The following CRTAC1 variants were observed in gnomAD, a reference collection of about 807,000 sequenced individuals.
CRTAC1 encodes cartilage acidic protein 1, also known as acidic secreted protein in cartilage.
In CRTAC1, 37 loss-of-function variants were observed where a neutral mutation model predicts 67.8. The observed-to-expected ratio is 0.55, with a 90% CI of 0.42 to 0.72. The LOEUF is 0.72. Among genes scored for constraint, CRTAC1 ranks in the 30% least tolerant of loss-of-function variants. The pLI is 0.00. For synonymous variants in CRTAC1, 348 were observed against 371.0 expected (o/e 0.94, Z 0.71); for missense variants, 780 against 931.6 (o/e 0.84, Z 2.12).
In CRTAC1 at chr10:97,981,994, A is replaced by G. The variant is rs549206670; in HGVS notation, c.224+29144T>C. 7.9e-5 allele frequency among the ~76,000 whole-genome samples: 12 copies of G among 152,324 alleles called. No homozygotes were observed. The South Asian group carries it at 2.1e-3, about 26-fold the overall frequency. ...GAAACTGCACCTACCACATTACAGG[A>G]AATCCCTGTACATGAGCTGTCCCTT... On this transcript the variant is annotated intron_variant, in intron 2 of 14. Coordinates refer to ENST00000370597, the MANE Select transcript of CRTAC1 (RefSeq NM_018058.7).
intron 2 of CRTAC1, among the ~76,000 whole-genome samples, chr10:97,974,954 G>C (rs1289776983): frequency 6.6e-6 from 1 of 152,070 alleles, no homozygotes; most frequent in African/African-American, 2.4e-5. Context: ...CGGGCAGAGG[G>C]AGACGCTGGG....
intron 2 of CRTAC1, among the ~76,000 whole-genome samples, chr10:98,005,535 C>G (rs1412392933): frequency 6.6e-6 from 1 of 151,614 alleles, no homozygotes; most frequent in Admixed American, 6.6e-5. Context: ...ACTGAAAGTT[C>G]AAAAATATTT....
chr10:97,874,205 C>T (rs1015289342), intron 14 of CRTAC1, among the ~76,000 whole-genome samples: 4 of 152,112 alleles, frequency 2.6e-5, no homozygotes, highest in East Asian at 1.9e-4. Context: ...TTGGTTTCCA[C>T]GTCTGAAAAG....
intron 5 of CRTAC1, among the ~76,000 whole-genome samples, chr10:97,912,557 A>G (rs114526514): frequency 0.045 from 4,070 of 89,542 alleles, 168 homozygotes; most frequent in African/African-American, 0.11. Flanking sequence ...TCGGGTGCAG[A>G]CAATCCATCT....
At chr10:98,027,036 G>A (rs1271294976) in intron 1 of CRTAC1, among the ~76,000 whole-genome samples, 5 of 152,004 alleles carry the variant, frequency 3.3e-5, no homozygotes, top group South Asian at 2.1e-4. Context: ...GCGTAGTGGC[G>A]GGCCCCTGTA....
chr10:98,014,092 G>A (rs969807971), intron 1 of CRTAC1, among the ~76,000 whole-genome samples: 1 of 152,210 alleles, frequency 6.6e-6, no homozygotes, highest in Non-Finnish European at 1.5e-5. Context: ...GTTACGGTGA[G>A]GAAGCTTAGA....
chr10:98,018,254 A>G (rs1312876835), intron 1 of CRTAC1, among the ~76,000 whole-genome samples: 1 of 147,026 alleles, frequency 6.8e-6, no homozygotes, highest in African/African-American at 2.5e-5. Flanking sequence ...AGAGACCAAC[A>G]TTGGGAGTTA....
chr10:97,954,798 G>A, intron 2 of CRTAC1, among the ~76,000 whole-genome samples: 1 of 152,168 alleles, frequency 6.6e-6, no homozygotes. Flanking sequence ...ACTCCCTTCA[G>A]AGGCTCAGAG....
Position 97,895,423 on chromosome 10 carries a change from G to C in CRTAC1, c.1318-10C>G, listed in dbSNP as rs755504069. On this transcript the variant is annotated splice_polypyrimidine_tract_variant and intron_variant, in intron 10 of 14. Coordinates refer to ENST00000370597, the MANE Select transcript of CRTAC1 (RefSeq NM_018058.7). This position sits in a 1 kb window ranked among gnomAD's most constrained non-coding sequence, Gnocchi z 4.2. ...AGTTGTTGTTGAAGCCCTGCAGAGA[G>C]GGTGAGAGGCAGACACCCGGTGGGC... The C allele has an allele frequency of 2.5e-6, 4 of 1,585,146 alleles. No individual in the cohort carries two copies. The African/African-American group carries it at 5.4e-5, about 21-fold the overall frequency.
intron 2 of CRTAC1, among the ~76,000 whole-genome samples, chr10:98,002,767 T>TTTG (rs1842716017): frequency 4.6e-5 from 4 of 87,534 alleles, no homozygotes; most frequent in Non-Finnish European, 6.6e-5. Flanking sequence ...CTCACTTTTT[T>TTTG]TTTTTTTTTT....
chr10:97,952,348 T>C (rs1287663981), intron 2 of CRTAC1, among the ~76,000 whole-genome samples: 1 of 145,826 alleles, frequency 6.9e-6, no homozygotes, highest in Admixed American at 6.9e-5. Flanking sequence ...TGAGACTCCA[T>C]CTCAAAAAAA....
At chr10:98,011,451 G>C in intron 1 of CRTAC1, 114 bp from the exon 2 acceptor site, 3 of 1,238,418 alleles carry the variant, frequency 2.4e-6, no homozygotes, top group Non-Finnish European at 3.4e-6. Flanking sequence ...TGGAGAGCTT[G>C]ACAGTGCCTA....
At chr10:98,006,727 C>T (rs1486910738) in intron 2 of CRTAC1, among the ~76,000 whole-genome samples, 2 of 152,128 alleles carry the variant, frequency 1.3e-5, no homozygotes, top group Non-Finnish European at 2.9e-5. Context: ...AAGTACGGAG[C>T]GCTTTATAAA....
chr10:97,991,450 G>C (rs199563400), intron 2 of CRTAC1, among the ~76,000 whole-genome samples: 1 of 109,604 alleles, frequency 9.1e-6, no homozygotes, highest in Non-Finnish European at 2.0e-5. Context: ...AAATAAATAA[G>C]ATAAAAAGAA....
chr10:98,030,228 C>T lies in CRTAC1; in HGVS notation c.24+221G>A, dbSNP rs1843340126. On this transcript the variant is annotated intron_variant, in intron 1 of 14. Coordinates refer to ENST00000370597, the MANE Select transcript of CRTAC1 (RefSeq NM_018058.7). This position sits in a 1 kb window ranked among gnomAD's most constrained non-coding sequence, Gnocchi z 4.2. Reference sequence around the variant, plus strand: ...TCCCACCTCTCCGCCACCTCCAACCCGGCCGCCGCCTCACCCCCAGCCCGC... The same window carrying T: ...TCCCACCTCTCCGCCACCTCCAACCTGGCCGCCGCCTCACCCCCAGCCCGC... Among the ~76,000 whole-genome samples, 1 of 151,404 alleles carries T rather than the reference C, an allele frequency of 6.6e-6. No individual in the cohort carries two copies. The highest frequency in any genetic ancestry group is 1.5e-5 in the Non-Finnish European group (1 of 67,756).
At chr10:97,948,905 G>C (rs771282367) in intron 2 of CRTAC1, among the ~76,000 whole-genome samples, 2 of 152,168 alleles carry the variant, frequency 1.3e-5, no homozygotes, top group Non-Finnish European at 1.5e-5. Context: ...CAAGGAGTGG[G>C]GGAAAGCCCC....
intron 2 of CRTAC1, among the ~76,000 whole-genome samples, chr10:97,972,472 T>C (rs762982288): frequency 3.3e-5 from 5 of 152,180 alleles, no homozygotes; most frequent in Non-Finnish European, 7.4e-5. Context: ...GGGTGTGGTG[T>C]AGGACTGGAA....
chr10:97,908,402 A>C (rs947632917), intron 5 of CRTAC1, among the ~76,000 whole-genome samples: 1 of 152,242 alleles, frequency 6.6e-6, no homozygotes, highest in African/African-American at 2.4e-5. Context: ...CACAGAGGCC[A>C]GCATCTGCCT....
At position 97,973,270 on chromosome 10, in the gene CRTAC1, G is replaced by A. The variant is rs116444357; in HGVS notation, c.225-36904C>T. ...CCCAGCCACTGTGCCCTCTGAGGCC[G>A]GCTTCACTGTTCAGCCTTGTCTCCG... On this transcript the variant is annotated intron_variant, in intron 2 of 14. Transcript: ENST00000370597. 3.6e-3 allele frequency among the ~76,000 whole-genome samples: 552 copies of A among 152,156 alleles called. 10 individuals carry two copies. Among genetic ancestry groups the A allele is most frequent in the African/African-American group, 0.013 (528 of 41,506 alleles).
Sources: gnomAD v4.1 joint callset for allele counts (sites outside exome capture counted in the v4.1 genomes callset) on GRCh38, gnomAD v4.1.1 for gene constraint, Gnocchi (gnomAD v3.1) non-coding constraint, MANE v1.5 for transcripts, NCBI Gene and HGNC (gene_info 2026-07-23, HGNC 2026-07-21) for gene names.